Variants in CLSTN2 observed in about 807,000 individuals in gnomAD.
CLSTN2 encodes calsyntenin-2.
A neutral mutation model predicts 101.2 loss-of-function variants in CLSTN2; 48 were observed. That is an observed-to-expected ratio of 0.47 (90% CI 0.38 to 0.60). The LOEUF is 0.60. CLSTN2 is among the 20% of genes least tolerant of loss of function. The pLI, the probability that CLSTN2 is intolerant of heterozygous loss-of-function variation, is 0.00. For synonymous variants in CLSTN2, 481 were observed against 463.6 expected (o/e 1.04, Z -0.48); for missense variants, 1,160 against 1,238.2 (o/e 0.94, Z 0.95).
chr3:140,283,276 A>C (rs1274491645), intron 2 of CLSTN2, among the ~76,000 whole-genome samples: 2 of 152,166 alleles, frequency 1.3e-5, no homozygotes, highest in African/African-American at 4.8e-5. Context: ...CATAGGTATT[A>C]ATCAGATGAA....
At chr3:140,276,028 C>T (rs770403306) in intron 2 of CLSTN2, among the ~76,000 whole-genome samples, 8 of 152,092 alleles carry the variant, frequency 5.3e-5, no homozygotes, top group Non-Finnish European at 7.4e-5. Flanking sequence ...GAGGGAAGTC[C>T]TGCTGCCTGG....
At chr3:140,078,786 G>C (rs1480681091) in intron 1 of CLSTN2, among the ~76,000 whole-genome samples, 1 of 152,154 alleles carries the variant, frequency 6.6e-6, no homozygotes, top group African/African-American at 2.4e-5. Flanking sequence ...TATTGAACTG[G>C]TTTTGAACTT....
At chr3:140,525,789 A>G (rs1185181458) in intron 8 of CLSTN2, among the ~76,000 whole-genome samples, 1 of 152,200 alleles carries the variant, frequency 6.6e-6, no homozygotes, top group East Asian at 1.9e-4. Flanking sequence ...AAATCTATAA[A>G]TGTGATTCAC....
At chr3:140,164,898 G>A (rs1286229078) in intron 1 of CLSTN2, among the ~76,000 whole-genome samples, 3 of 152,108 alleles carry the variant, frequency 2.0e-5, no homozygotes, top group Non-Finnish European at 1.5e-5. Context: ...ATGGTGAGTG[G>A]ACAGATGGCT....
At chr3:140,554,526 G>A (rs192891425) in intron 10 of CLSTN2, among the ~76,000 whole-genome samples, 32 of 152,298 alleles carry the variant, frequency 2.1e-4, no homozygotes, top group Non-Finnish European at 3.8e-4. Context: ...GTATTGTTGA[G>A]GAATTGAGAC....
rs528189812 is a variant in CLSTN2 at position 140,424,566 on chromosome 3, A to G, written c.787+3292A>G. On this transcript the variant is annotated intron_variant, in intron 5 of 16. Coordinates refer to ENST00000458420, the MANE Select transcript of CLSTN2 (RefSeq NM_022131.3). Reference sequence around the variant, plus strand: ...ACTGACCACAACTGGTCTGAGTTGTATATCTCTTGTCCTGCCCCTTCTCCC... The same window carrying G: ...ACTGACCACAACTGGTCTGAGTTGTGTATCTCTTGTCCTGCCCCTTCTCCC... Among the ~76,000 whole-genome samples, 8 of 152,328 alleles carry G rather than the reference A, an allele frequency of 5.3e-5. No homozygotes were observed. The South Asian group carries it at 1.2e-3, about 24-fold the overall frequency.
chr3:140,416,092 A>T (rs570213579), intron 4 of CLSTN2, among the ~76,000 whole-genome samples: 1 of 152,366 alleles, frequency 6.6e-6, no homozygotes, highest in East Asian at 1.9e-4. Flanking sequence ...ATGCTAAGTG[A>T]AATATCCCAG....
Position 140,078,173 on chromosome 3 carries a change from T to A in CLSTN2, c.110-97778T>A, listed in dbSNP as rs1483776067. Reference sequence around the variant, plus strand: ...CCCTGCACCCTCTTTTGGATCAATGTCAGGAGATGCTTGCAGTAGTTCTCC... The same window carrying A: ...CCCTGCACCCTCTTTTGGATCAATGACAGGAGATGCTTGCAGTAGTTCTCC... On this transcript the variant is annotated intron_variant, in intron 1 of 16. Transcript: ENST00000458420. Among the ~76,000 whole-genome samples, 2 of 152,172 alleles carry A rather than the reference T, an allele frequency of 1.3e-5. 1 individual carries two copies.
At chr3:140,420,142 C>T (rs1417822150) in intron 4 of CLSTN2, among the ~76,000 whole-genome samples, 1 of 151,816 alleles carries the variant, frequency 6.6e-6, no homozygotes, top group African/African-American at 2.4e-5. Flanking sequence ...CATCCACCCA[C>T]CTCAGCCTTC....
chr3:140,031,301 C>T lies in CLSTN2; in HGVS notation c.109+95818C>T, dbSNP rs151161483. ...GTCATTTTTGGTTCTTTGTTAGTGA[C>T]GCGCAGCATGAAATTCTGAATTAGT... On this transcript the variant is annotated intron_variant, in intron 1 of 16. Coordinates refer to ENST00000458420, the MANE Select transcript of CLSTN2 (RefSeq NM_022131.3). 5.0e-3 allele frequency among the ~76,000 whole-genome samples: 766 copies of T among 152,208 alleles called. 3 individuals are homozygous for T. The highest frequency in any genetic ancestry group is 0.017 in the African/African-American group (695 of 41,528).
At chr3:140,421,575 G>A (rs894096722) in intron 5 of CLSTN2, among the ~76,000 whole-genome samples, 16 of 152,014 alleles carry the variant, frequency 1.1e-4, no homozygotes, top group African/African-American at 3.6e-4. Context: ...AGGAGAAATT[G>A]CCAGCAAGCC....
intron 2 of CLSTN2, among the ~76,000 whole-genome samples, chr3:140,264,479 A>G (rs2086679144): frequency 7.0e-6 from 1 of 143,436 alleles, no homozygotes; most frequent in East Asian, 2.1e-4. Flanking sequence ...GTGACATAAA[A>G]CAAGGTATAT....
Position 140,026,070 on chromosome 3 carries a change from C to A in CLSTN2, c.109+90587C>A, listed in dbSNP as rs139284121. Among the ~76,000 whole-genome samples, 1,087 of 152,222 alleles carry A rather than the reference C, an allele frequency of 7.1e-3. 13 individuals carry two copies. The highest frequency in any genetic ancestry group is 0.023 in the African/African-American group (939 of 41,526). On this transcript the variant is annotated intron_variant, in intron 1 of 16. Transcript: ENST00000458420. ...GGCAGGTCCATCTGCTCTCCAGGATCTCTCCTGGAGATTAAGCTCCTAACC... is the reference window on the plus strand; with the variant it reads ...GGCAGGTCCATCTGCTCTCCAGGATATCTCCTGGAGATTAAGCTCCTAACC...
chr3:140,215,798 A>C (rs1205946908), intron 2 of CLSTN2, among the ~76,000 whole-genome samples: 1 of 152,228 alleles, frequency 6.6e-6, no homozygotes, highest in Non-Finnish European at 1.5e-5. Context: ...AAATGTGTTA[A>C]TTCATATAAA....
At chr3:140,287,870 A>G (rs902241190) in intron 2 of CLSTN2, among the ~76,000 whole-genome samples, 1 of 152,186 alleles carries the variant, frequency 6.6e-6, no homozygotes, top group Non-Finnish European at 1.5e-5. Context: ...TCAAAAATCA[A>G]TGCTCTATCT....
chr3:140,484,732 T>C (rs914966931), intron 8 of CLSTN2, among the ~76,000 whole-genome samples: 1 of 152,250 alleles, frequency 6.6e-6, no homozygotes, highest in Non-Finnish European at 1.5e-5. Context: ...ACTGATACCC[T>C]TTCTTCCAGT....
Position 140,266,324 on chromosome 3 carries a change from C to T in CLSTN2, c.232+90251C>T, listed in dbSNP as rs1387899241. ...CAAAGTAAAGCAACATTAGAAATCC[C>T]ACAGGAACAGTGAGATCCAAAACAA... On this transcript the variant is annotated intron_variant, in intron 2 of 16. Transcript: ENST00000458420. Among the ~76,000 whole-genome samples, 3 of 152,118 alleles carry T rather than the reference C, an allele frequency of 2.0e-5. No individual in the cohort carries two copies. The East Asian group carries it at 5.8e-4, about 29-fold the overall frequency.
At chr3:140,414,632 G>C (rs1294661629) in intron 4 of CLSTN2, among the ~76,000 whole-genome samples, 1 of 151,936 alleles carries the variant, frequency 6.6e-6, no homozygotes, top group African/African-American at 2.4e-5. Context: ...ACACTACTTG[G>C]ATGATAGGTG....
At chr3:140,533,710 C>CAAAAAAAAAAAAAA in intron 9 of CLSTN2, among the ~76,000 whole-genome samples, 1 of 58,874 alleles carries the variant, frequency 1.7e-5, no homozygotes, top group Non-Finnish European at 4.1e-5. Flanking sequence ...GACTCCATCT[C>CAAAAAAAAAAAAAA]AAAAAAAAAA....
Sources: allele counts gnomAD v4.1 joint callset (sites outside exome capture counted in the v4.1 genomes callset), GRCh38; gene constraint gnomAD v4.1.1; transcripts MANE v1.5; gene names NCBI Gene and HGNC (gene_info 2026-07-23, HGNC 2026-07-21).